MBP: variants seen among roughly 807,000 people sequenced by gnomAD.
The protein encoded by MBP is myelin basic protein, also known as Golli-MBP.
Under a neutral mutation model 35.8 loss-of-function variants are expected in MBP, and 16 were observed. The ratio of observed to expected loss-of-function variants is 0.45; its 90% CI spans 0.30 to 0.68. The LOEUF (loss-of-function observed/expected upper bound fraction) is 0.68. MBP is among the 30% of genes least tolerant of loss of function. The probability of loss-of-function intolerance (pLI) is 0.08; values close to 1 mark genes in which losing one functional copy is unlikely to be tolerated. For missense variants in MBP, 380 were observed against 404.7 expected (o/e 0.94, Z 0.52); for synonymous variants, 143 against 159.6 (o/e 0.90, Z 0.78).
chr18:77,124,117 G>T (rs1422949491), intron 1 of MBP, among the ~76,000 whole-genome samples: 1 of 152,150 alleles, frequency 6.6e-6, no homozygotes, highest in African/African-American at 2.4e-5. Flanking sequence ...CAAAAGACGG[G>T]CCGCAACACC....
rs756741675 is a variant in MBP at position 76,979,977 on chromosome 18, A to T, written c.*450T>A. On this transcript the variant is annotated 3_prime_UTR_variant, in exon 9 of 9. Transcript: ENST00000355994. Reference sequence around the variant, plus strand: ...GAAGGACAGGAAAAAAAAACAAAGGAAGCTTGGATGTCAACAGTCCTCTCT... The same window carrying T: ...GAAGGACAGGAAAAAAAAACAAAGGTAGCTTGGATGTCAACAGTCCTCTCT... 30 of 702,242 alleles carry T rather than the reference A, an allele frequency of 4.3e-5. 1 individual carries two copies. Among genetic ancestry groups the T allele is most frequent in the Non-Finnish European group, 7.5e-5 (29 of 384,928 alleles). 43.5% of individuals were successfully genotyped at this position (702,242 alleles called of 1,614,324 possible). A position where few individuals can be genotyped will look rare whatever the true frequency, so the allele number is the denominator to read the frequency against.
Position 77,016,774 on chromosome 18 carries a change from T to G in MBP, c.576+58A>C. The stretch of plus-strand genomic sequence containing the variant: ...TCCTCTAATGGCTGAGTTCACCTAC[T>G]GATTTCTCCTTTGCTTTTTCCATTT... On this transcript the variant is annotated intron_variant, in intron 4 of 8. Transcript: ENST00000355994. 6 of 1,589,536 alleles carry G rather than the reference T, an allele frequency of 3.8e-6. No individual in the cohort carries two copies. In the South Asian group the frequency reaches 6.8e-5, roughly 18 times the overall value.
intron 2 of MBP, among the ~76,000 whole-genome samples, chr18:77,068,106 CA>C (rs1974278598): frequency 6.6e-6 from 1 of 152,046 alleles, no homozygotes; most frequent in South Asian, 2.1e-4. Context: ...AGGTCCCCAC[CA>C]ACCAATGTTT....
rs57618192 is a variant in MBP at position 77,091,587 on chromosome 18, CCACA to C, written c.51+13620_51+13623del. On this transcript the variant is annotated intron_variant, in intron 2 of 8. Coordinates refer to ENST00000355994, the MANE Select transcript of MBP (RefSeq NM_001025101.2). The stretch of plus-strand genomic sequence containing the variant: ...GATGACGTCTGCAGGGCAAGAGAAA[CCACA>C]CACACACACACACACACACCCACCC... Among the ~76,000 whole-genome samples, 128 of 147,918 alleles carry C rather than the reference CCACA, an allele frequency of 8.7e-4. 1 individual carries two copies. Among genetic ancestry groups the C allele is most frequent in the Middle Eastern group, 3.4e-3 (1 of 290 alleles).
At chr18:77,081,796 A>ATATATACACACACACACACACACACACG in intron 2 of MBP, among the ~76,000 whole-genome samples, 2 of 20,600 alleles carry the variant, frequency 9.7e-5, no homozygotes, top group African/African-American at 2.5e-4. Context: ...ACACACACGT[A>ATATATACACACACACACACACACACACG]TATATATATG....
chr18:77,085,957 C>T (rs1975214118), intron 2 of MBP, among the ~76,000 whole-genome samples: 1 of 152,120 alleles, frequency 6.6e-6, no homozygotes, highest in African/African-American at 2.4e-5. Context: ...GCTGGGATTA[C>T]AGGTGTGAAC....
intron 3 of MBP, among the ~76,000 whole-genome samples, chr18:77,018,869 C>T (rs1599078880): frequency 4.6e-5 from 1 of 21,620 alleles, no homozygotes; most frequent in African/African-American, 3.2e-4. Flanking sequence ...TCCATCTATC[C>T]ATCCATCCAT....
intron 1 of MBP, chr18:77,114,111 G>A (rs1421479379): frequency 6.6e-6 from 1 of 152,228 alleles, no homozygotes; most frequent in Admixed American, 6.5e-5. Flanking sequence ...TTTTTGCTCT[G>A]GGGTATCAGA....
At chr18:77,069,584 G>A (rs948146353) in intron 2 of MBP, among the ~76,000 whole-genome samples, 10 of 152,150 alleles carry the variant, frequency 6.6e-5, no homozygotes, top group South Asian at 2.1e-4. Context: ...GAACAATGCC[G>A]CATCTTAGAA....
At chr18:77,095,694 G>A (rs1439982828) in intron 2 of MBP, 1 of 152,352 alleles carries the variant, frequency 6.6e-6, no homozygotes, top group African/African-American at 2.4e-5. Context: ...CAGGGAGGAT[G>A]GATGGCTTTT....
At chr18:76,999,124 C>A (rs912982189) in intron 4 of MBP, among the ~76,000 whole-genome samples, 3 of 151,768 alleles carry the variant, frequency 2.0e-5, no homozygotes, top group Non-Finnish European at 4.4e-5. Context: ...GTGGGAGGAG[C>A]TGGGAGAAGA....
At chr18:77,003,071 A>G (rs943099334) in intron 4 of MBP, 2 of 152,230 alleles carry the variant, frequency 1.3e-5, no homozygotes, top group Non-Finnish European at 2.9e-5. Context: ...GTAAACACTG[A>G]TGGATACAAT....
intron 1 of MBP, among the ~76,000 whole-genome samples, chr18:77,112,171 A>G (rs1667919): frequency 2.5e-4 from 20 of 79,946 alleles, no homozygotes; most frequent in Non-Finnish European, 5.0e-4. Context: ...GTGCACACGC[A>G]CACACACACA....
At chr18:77,088,554 T>C (rs542057934) in intron 2 of MBP, among the ~76,000 whole-genome samples, 1 of 152,328 alleles carries the variant, frequency 6.6e-6, no homozygotes, top group South Asian at 2.1e-4. Flanking sequence ...ATGCGTATGA[T>C]AATAATCACA....
intron 3 of MBP, among the ~76,000 whole-genome samples, chr18:77,026,329 AG>A: frequency 6.6e-6 from 1 of 152,244 alleles, no homozygotes; most frequent in East Asian, 1.9e-4. Context: ...TTCTAAAGCC[AG>A]GGGTTTTCAG....
intron 3 of MBP, among the ~76,000 whole-genome samples, chr18:77,035,538 A>G (rs1240070676): frequency 6.6e-6 from 1 of 152,262 alleles, no homozygotes; most frequent in Non-Finnish European, 1.5e-5. Flanking sequence ...TCCCTGTGCT[A>G]GGATGAGAAA....
chr18:77,070,283 C>T (rs1253814353), intron 2 of MBP, among the ~76,000 whole-genome samples: 2 of 152,206 alleles, frequency 1.3e-5, no homozygotes, highest in African/African-American at 2.4e-5. Context: ...TGTGACTGCA[C>T]GTGTCGACAC....
chr18:77,128,477 C>T (rs1432794656), intron 1 of MBP, among the ~76,000 whole-genome samples: 1 of 151,392 alleles, frequency 6.6e-6, no homozygotes, highest in East Asian at 1.9e-4. Context: ...TCACATGGTT[C>T]TACATGGGTG....
intron 3 of MBP, among the ~76,000 whole-genome samples, chr18:77,043,705 C>T (rs971800045): frequency 5.3e-5 from 8 of 152,194 alleles, no homozygotes; most frequent in Non-Finnish European, 1.2e-4. Flanking sequence ...GCCCCGCACC[C>T]CGTGGCGGAC....
Sources: allele counts gnomAD v4.1 joint callset (sites outside exome capture counted in the v4.1 genomes callset), GRCh38; gene constraint gnomAD v4.1.1; transcripts MANE v1.5; gene names NCBI Gene and HGNC (gene_info 2026-07-23, HGNC 2026-07-21).